The following MYH7B variants were observed in gnomAD, a reference collection of about 807,000 sequenced individuals.
MYH7B encodes the protein myosin-7B.
A neutral mutation model predicts 234.5 loss-of-function variants in MYH7B; 205 were observed. That is an observed-to-expected ratio of 0.87 (90% CI 0.78 to 0.98). MYH7B has a LOEUF of 0.98. Among genes scored for constraint, MYH7B ranks in the 50% least tolerant of loss-of-function variants. The pLI is 0.00. For missense variants in MYH7B, 2,652 were observed against 2,633.4 expected (o/e 1.01, Z -0.15); for synonymous variants, 1,193 against 1,105.0 (o/e 1.08, Z -1.58).
intron 2 of MYH7B, among the ~76,000 whole-genome samples, chr20:34,958,479 T>A (rs980563200): frequency 6.6e-6 from 1 of 152,190 alleles, no homozygotes; most frequent in Admixed American, 6.5e-5. Context: ...CCTTTTCTTT[T>A]TTTTGAGATG....
intron 8 of MYH7B, 66 bp downstream of exon 8, chr20:34,980,800 G>A: frequency 1.3e-6 from 2 of 1,588,546 alleles, no homozygotes; most frequent in Non-Finnish European, 1.7e-6. Flanking sequence ...GCCTCTGTAA[G>A]GGACCCCCTT....
Position 35,001,406 on chromosome 20 carries a change from C to A in MYH7B, c.5581-25C>A, listed in dbSNP as rs201536061. The A allele has an allele frequency of 1.2e-4, 192 of 1,593,170 alleles. 1 individual carries two copies. The South Asian group carries it at 1.9e-3, about 16-fold the overall frequency. On this transcript the variant is annotated intron_variant, in intron 42 of 44. Transcript: ENST00000262873. ...CTGGAGCTGGCCCAGCCCAAGCAAG[C>A]CCTGAGTCCCCCTTGCCCGCCCAGG...
chr20:34,996,251 A>G (rs1320506224), intron 28 of MYH7B, 95 bp from the exon 29 acceptor site: 15 of 1,405,440 alleles, frequency 1.1e-5, no homozygotes, highest in African/African-American at 1.5e-5. Flanking sequence ...TGAGTCCCAT[A>G]GCTGGAAGGG....
intron 25 of MYH7B, 24 bp downstream of exon 25, chr20:34,993,249 C>T: frequency 6.2e-7 from 1 of 1,614,004 alleles, no homozygotes; most frequent in Non-Finnish European, 8.5e-7. Flanking sequence ...GGGATCAGGG[C>T]TGGCCATGGC....
exon 13 of MYH7B, chr20:34,985,101 G>A: frequency 1.2e-6 from 2 of 1,614,100 alleles, no homozygotes; most frequent in Non-Finnish European, 1.7e-6. Context: ...GTCCCTCTGG[G>A]AAGCTGGCAT....
intron 2 of MYH7B, among the ~76,000 whole-genome samples, chr20:34,961,013 C>G (rs781730536): frequency 1.1e-4 from 16 of 152,080 alleles, no homozygotes; most frequent in Non-Finnish European, 1.5e-4. Flanking sequence ...GTGCCCTGGT[C>G]GTGTTTGAGG....
intron 2 of MYH7B, among the ~76,000 whole-genome samples, chr20:34,974,087 G>A (rs1436145683): frequency 6.6e-6 from 1 of 152,066 alleles, no homozygotes; most frequent in African/African-American, 2.4e-5. Context: ...ACCATGCCTG[G>A]CTAATTTTTT....
At chr20:34,995,301 TC>T in intron 27 of MYH7B, 34 bp from the exon 28 acceptor site, 1 of 1,595,380 alleles carries the variant, frequency 6.3e-7, no homozygotes. Flanking sequence ...TACCTGGCCC[TC>T]CCCCAACCTG....
At position 34,993,474 on chromosome 20, in the gene MYH7B, G is replaced by C; in HGVS notation, c.2444+4G>C. The C allele has an allele frequency of 6.3e-7, 1 of 1,588,374 alleles. No individual in the cohort carries two copies. Among genetic ancestry groups the C allele is most frequent in the Non-Finnish European group, 8.5e-7 (1 of 1,171,228 alleles). ...ACCAGCGCCTGCTGGGAGGCAGGTG[G>C]GTGTGGGAAGGAGGCTGGGGACAGG... is the stretch of plus-strand genomic sequence containing the variant. On this transcript the variant is annotated splice_donor_region_variant and intron_variant, in intron 26 of 44. Transcript: ENST00000262873.
chr20:34,964,646 C>T (rs756017509), intron 2 of MYH7B, among the ~76,000 whole-genome samples: 62 of 152,252 alleles, frequency 4.1e-4, no homozygotes, highest in African/African-American at 6.3e-4. Context: ...GGACTGGGCG[C>T]GGTGGCTCAC....
At chr20:35,001,402 CA>C (rs1451652116) in intron 42 of MYH7B, 28 bp from the exon 43 acceptor site, 2 of 1,594,166 alleles carry the variant, frequency 1.3e-6, no homozygotes, top group Non-Finnish European at 8.5e-7. Context: ...CCAGCCCAAG[CA>C]AGCCCTGAGT....
Position 35,000,615 on chromosome 20 carries a change from G to A in MYH7B, c.5104G>A (p.Gly1702Ser), listed in dbSNP as rs1455920955. The change falls in exon 39 of 45, where the codon GGC becomes AGC. Residue 1702 changes from glycine (G) to serine (S), a missense_variant. Transcript: ENST00000262873. ...GGAGCTGCGGGCTGCCCTGGAGCAG[G>A]GCGAGCGCAGCCGGCGACTGGCAGA... 1.3e-6 allele frequency: 2 copies of A among 1,573,800 alleles called. No individual in the cohort carries two copies. Among genetic ancestry groups the A allele is most frequent in the Non-Finnish European group, 1.7e-6 (2 of 1,163,226 alleles).
At chr20:34,980,964 C>A in intron 8 of MYH7B, 69 bp from the exon 9 acceptor site, 1 of 1,605,300 alleles carries the variant, frequency 6.2e-7, no homozygotes, top group Non-Finnish European at 8.5e-7. Flanking sequence ...AGATGGATAC[C>A]CAGGGTGTTC....
intron 43 of MYH7B, 85 bp downstream of exon 43, chr20:35,001,611 C>T (rs746657438): frequency 8.3e-7 from 1 of 1,202,630 alleles, no homozygotes; most frequent in Middle Eastern, 2.7e-4. Context: ...TCAGCAGCAG[C>T]TCCACCCTCC....
chr20:34,965,552 T>C (rs1347466294), intron 2 of MYH7B, among the ~76,000 whole-genome samples: 1 of 152,214 alleles, frequency 6.6e-6, no homozygotes, highest in African/African-American at 2.4e-5. Flanking sequence ...ATCTGTCTGC[T>C]CCTGGGTCTC....
chr20:34,998,785 C>T (rs917191198), exon 35 of MYH7B: 21 of 1,613,036 alleles, frequency 1.3e-5, no homozygotes, highest in African/African-American at 2.7e-5. Flanking sequence ...GCGGGAGCAA[C>T]ACGAGGAGGA....
intron 11 of MYH7B, 49 bp from the exon 12 acceptor site, chr20:34,984,805 G>A (rs766064208): frequency 2.0e-5 from 32 of 1,595,908 alleles, no homozygotes; most frequent in African/African-American, 4.0e-5. Context: ...CTGGCCTCCC[G>A]GTGGGTAGGC....
chr20:34,996,283 G>A, intron 28 of MYH7B, 63 bp from the exon 29 acceptor site: 1 of 1,525,630 alleles, frequency 6.6e-7, no homozygotes, highest in Non-Finnish European at 8.8e-7. Context: ...GACCTGGTGT[G>A]GTGTGGTGGC....
At chr20:34,968,041 A>G (rs916345162) in intron 2 of MYH7B, among the ~76,000 whole-genome samples, 2 of 152,200 alleles carry the variant, frequency 1.3e-5, no homozygotes, top group African/African-American at 4.8e-5. Context: ...CCTCAAATTA[A>G]TTGACATCTT....
Sources: allele counts gnomAD v4.1 joint callset (sites outside exome capture counted in the v4.1 genomes callset), GRCh38; gene constraint gnomAD v4.1.1; transcripts MANE v1.5; gene names NCBI Gene and HGNC (gene_info 2026-07-23, HGNC 2026-07-21).